The following MAP4 variants were observed in gnomAD, a reference collection of about 807,000 sequenced individuals.
MAP4 encodes the protein microtubule-associated protein 4.
In MAP4, 76 loss-of-function variants were observed where a neutral mutation model predicts 170.2. That is an observed-to-expected ratio of 0.45 (90% CI 0.37 to 0.54). The LOEUF is 0.54. Ranked by LOEUF, MAP4 falls within the 20% of genes least tolerant of loss-of-function variation. MAP4 has a pLI of 0.00. For missense variants in MAP4, 2,506 were observed against 2,748.0 expected (o/e 0.91, Z 1.97); for synonymous variants, 909 against 994.5 (o/e 0.91, Z 1.62).
intron 1 of MAP4, among the ~76,000 whole-genome samples, chr3:48,076,193 C>G (rs1165907002): frequency 5.9e-5 from 9 of 151,394 alleles, no homozygotes. Flanking sequence ...TCAGCCTGGA[C>G]AACATAGTAA....
At chr3:48,008,297 A>G (rs2100103497) in intron 1 of MAP4, among the ~76,000 whole-genome samples, 1 of 152,194 alleles carries the variant, frequency 6.6e-6, no homozygotes, top group Non-Finnish European at 1.5e-5. Flanking sequence ...CAGCTGACAG[A>G]GGAAAAGAAG....
intron 2 of MAP4, among the ~76,000 whole-genome samples, chr3:47,993,062 T>C (rs554559019): frequency 1.3e-5 from 2 of 152,336 alleles, no homozygotes; most frequent in South Asian, 2.1e-4. Flanking sequence ...GGTAAATTTA[T>C]GGTGAAGCTT....
intron 3 of MAP4, among the ~76,000 whole-genome samples, chr3:47,950,632 G>A (rs1161544724): frequency 6.6e-6 from 1 of 152,138 alleles, no homozygotes; most frequent in East Asian, 1.9e-4. Context: ...ACTGGGCTTG[G>A]TGGAGTTTCA....
intron 3 of MAP4, chr3:47,973,440 G>C (rs2100079993): frequency 1.0e-6 from 1 of 984,834 alleles, no homozygotes; most frequent in African/African-American, 1.7e-5. Flanking sequence ...AACTATATGT[G>C]AAACATAAAA....
chr3:48,002,991 A>AATT (rs1559772840), intron 1 of MAP4, among the ~76,000 whole-genome samples: 1 of 150,546 alleles, frequency 6.6e-6, no homozygotes, highest in African/African-American at 2.5e-5. Context: ...ATAAATAAAT[A>AATT]AATTTAATTC....
chr3:48,015,283 G>A (rs1178240500), intron 1 of MAP4, among the ~76,000 whole-genome samples: 1 of 150,958 alleles, frequency 6.6e-6, no homozygotes, highest in African/African-American at 2.4e-5. Context: ...TTTTGGGTGG[G>A]TGGGGGCGGG....
At chr3:47,929,671 C>T (rs1396576590) in intron 3 of MAP4, among the ~76,000 whole-genome samples, 1 of 79,342 alleles carries the variant, frequency 1.3e-5, no homozygotes, top group Non-Finnish European at 2.7e-5. Flanking sequence ...AAGACAAAGA[C>T]CTAATGTAAG....
intron 3 of MAP4, among the ~76,000 whole-genome samples, chr3:47,963,150 A>C (rs1337777676): frequency 1.3e-5 from 2 of 152,232 alleles, no homozygotes; most frequent in African/African-American, 2.4e-5. Context: ...TTTCTGCTTC[A>C]CAATGGACCA....
At chr3:48,020,779 A>T (rs1365962096), upstream of MAP4, among the ~76,000 whole-genome samples, 1 of 152,132 alleles carries the variant, frequency 6.6e-6, no homozygotes, top group African/African-American at 2.4e-5. Context: ...TATGAGTATT[A>T]TTTGTTGTTG....
chr3:47,880,569 GA>G (rs2096553967), intron 10 of MAP4, among the ~76,000 whole-genome samples: 1 of 146,480 alleles, frequency 6.8e-6, no homozygotes, highest in African/African-American at 2.5e-5. Flanking sequence ...GGGCTCAAGA[GA>G]CCCTAATGCC....
intron 3 of MAP4, among the ~76,000 whole-genome samples, chr3:47,952,781 G>A (rs999422052): frequency 6.6e-6 from 1 of 151,896 alleles, no homozygotes; most frequent in African/African-American, 2.4e-5. Flanking sequence ...AAAATTGGTC[G>A]GGTGTGGTGG....
At chr3:47,919,027 G>A (rs2100041276) in intron 5 of MAP4, among the ~76,000 whole-genome samples, 186 bp from the exon 6 acceptor site, 1 of 152,092 alleles carries the variant, frequency 6.6e-6, no homozygotes, top group African/African-American at 2.4e-5. Context: ...CGCTTCCCGG[G>A]TTCACGCCAT....
chr3:47,966,529 G>T (rs922020443), intron 3 of MAP4, among the ~76,000 whole-genome samples: 1 of 151,886 alleles, frequency 6.6e-6, no homozygotes, highest in Non-Finnish European at 1.5e-5. Context: ...TTACAGGTGT[G>T]AGCCACCGCA....
intron 8 of MAP4, among the ~76,000 whole-genome samples, chr3:47,912,826 A>T (rs967415127): frequency 6.6e-6 from 1 of 152,186 alleles, no homozygotes; most frequent in Non-Finnish European, 1.5e-5. Flanking sequence ...GAAATTTATT[A>T]ATTGCTTCAG....
At chr3:47,918,935 TG>T (rs1386500723) in intron 5 of MAP4, 94 bp from the exon 6 acceptor site, 1 of 1,175,378 alleles carries the variant, frequency 8.5e-7, no homozygotes, top group South Asian at 1.4e-5. Flanking sequence ...TTGTTTTGTT[TG>T]TTTTTTTTTT....
chr3:48,009,672 T>TC (rs2154426558), intron 1 of MAP4, among the ~76,000 whole-genome samples: 1 of 152,190 alleles, frequency 6.6e-6, no homozygotes, highest in African/African-American at 2.4e-5. Context: ...TGAATCAGCG[T>TC]CCAATATAAG....
chr3:48,082,734 G>A (rs999814250), intron 1 of MAP4, among the ~76,000 whole-genome samples: 2 of 150,042 alleles, frequency 1.3e-5, no homozygotes, highest in Non-Finnish European at 2.9e-5. Context: ...GTAGGCAGAG[G>A]TTGCCGTGAG....
At chr3:48,086,007 G>A (rs552395735) in intron 1 of MAP4, among the ~76,000 whole-genome samples, 8 of 150,970 alleles carry the variant, frequency 5.3e-5, no homozygotes, top group Admixed American at 1.3e-4. Context: ...AGCTGAGATC[G>A]TGCCACTGCA....
chr3:48,020,751 A>G (rs190185490), upstream of MAP4, among the ~76,000 whole-genome samples: 2 of 152,322 alleles, frequency 1.3e-5, no homozygotes, highest in Middle Eastern at 3.4e-3. Flanking sequence ...AGAATTGTTC[A>G]GGGACAGGGT....
Sources: allele counts gnomAD v4.1 joint callset (sites outside exome capture counted in the v4.1 genomes callset), GRCh38; gene constraint gnomAD v4.1.1; transcripts MANE v1.5; gene names NCBI Gene and HGNC (gene_info 2026-07-23, HGNC 2026-07-21).